The following MMP26 variants were observed in gnomAD, a reference collection of about 807,000 sequenced individuals.
MMP26 encodes the protein matrix metallopeptidase 26.
MMP26 carries 33 observed loss-of-function variants against 31.0 expected under a neutral mutation model. The observed-to-expected ratio is 1.06, with a 90% confidence interval of 0.81 to 1.42. The LOEUF (loss-of-function observed/expected upper bound fraction) is 1.42, where lower values mean the gene tolerates loss of function less well. Among genes scored for constraint, MMP26 ranks in the 40% most tolerant of loss-of-function variants. The pLI is 0.00. For synonymous variants in MMP26, 122 were observed against 114.9 expected, an observed-to-expected ratio of 1.06 and a Z score of -0.40; for missense variants, 347 against 316.1, an observed-to-expected ratio of 1.10 and a Z score of -0.74.
intron 2 of MMP26, among the ~76,000 whole-genome samples, chr11:4,886,869 A>G (rs1413601731): frequency 6.6e-6 from 1 of 151,804 alleles, no homozygotes; most frequent in Non-Finnish European, 1.5e-5. Flanking sequence ...CATTGTAGTT[A>G]TTTAATCAGA....
intron 2 of MMP26, among the ~76,000 whole-genome samples, chr11:4,836,335 T>C (rs1302856403): frequency 2.7e-4 from 41 of 151,952 alleles, no homozygotes; most frequent in Admixed American, 2.7e-3. Context: ...GCACCTGAGA[T>C]TTTTTGGTTG....
At position 4,809,142 on chromosome 11, in the gene MMP26, T is replaced by C. The variant is rs541668695; in HGVS notation, c.-145+41801T>C. On this transcript the variant is annotated intron_variant, in intron 2 of 7. Transcript: ENST00000380390. ...GAACCATATAATTTCTCTTCTTCCCTAGTACTTCTTTCTCCCCAACACTGC... is the reference window on the plus strand; with the variant it reads ...GAACCATATAATTTCTCTTCTTCCCCAGTACTTCTTTCTCCCCAACACTGC... 9.9e-5 allele frequency among the ~76,000 whole-genome samples: 15 copies of C among 152,238 alleles called. No homozygotes were observed. In the South Asian group the frequency reaches 2.3e-3, roughly 23 times the overall value.
rs890920462 is a variant in MMP26, at chr11:4,915,030, C to T, written c.-144-73038C>T. 12 of 1,613,982 alleles carry T rather than the reference C, an allele frequency of 7.4e-6. No homozygotes were observed. The highest frequency in any genetic ancestry group is 8.5e-6 in the Non-Finnish European group (10 of 1,180,032). The stretch of plus-strand genomic sequence containing the variant: ...AGGATGAGCAGTGAGTCTATACCCA[C>T]TGTAGAGACGATGACAAACATGCCG... On this transcript the variant is annotated intron_variant, in intron 2 of 7. Coordinates refer to ENST00000380390, the MANE Select transcript of MMP26 (RefSeq NM_021801.5).
rs186534138 is a variant in MMP26, at chr11:4,784,139, G to A, written c.-145+16798G>A. On this transcript the variant is annotated intron_variant, in intron 2 of 7. Coordinates refer to ENST00000380390, the MANE Select transcript of MMP26 (RefSeq NM_021801.5). Reference sequence around the variant, plus strand: ...TATAATTCAAAGGCTGGAGACTGAAGTCATCTGAAGGCCTCCTCATTTACA... The same window carrying A: ...TATAATTCAAAGGCTGGAGACTGAAATCATCTGAAGGCCTCCTCATTTACA... 1.6e-4 allele frequency among the ~76,000 whole-genome samples: 24 copies of A among 152,326 alleles called. No homozygotes were observed. The East Asian group carries it at 4.0e-3, about 26-fold the overall frequency.
At chr11:4,954,017 G>A (rs1183882547) in intron 2 of MMP26, among the ~76,000 whole-genome samples, 1 of 125,722 alleles carries the variant, frequency 8.0e-6, no homozygotes, top group East Asian at 2.3e-4. Flanking sequence ...TTGTGCTACT[G>A]CACCCCAGCT....
chr11:4,893,301 C>A (rs1850654612), intron 2 of MMP26, among the ~76,000 whole-genome samples: 1 of 152,036 alleles, frequency 6.6e-6, no homozygotes. Context: ...TCCAATATTT[C>A]TCTTTATGTT....
At chr11:4,904,026 A>T (rs1416177770) in intron 2 of MMP26, among the ~76,000 whole-genome samples, 1 of 152,122 alleles carries the variant, frequency 6.6e-6, no homozygotes, top group East Asian at 1.9e-4. Context: ...TAATAATATG[A>T]CAAATAAAAG....
At chr11:4,842,004 C>G (rs35692639) in intron 2 of MMP26, among the ~76,000 whole-genome samples, 15,694 of 152,102 alleles carry the variant, frequency 0.1, 941 homozygotes, top group Middle Eastern at 0.19. Flanking sequence ...GGTAGTAATA[C>G]AAAAGTCATT....
At chr11:4,924,129 T>C in intron 2 of MMP26, 1 of 1,610,162 alleles carries the variant, frequency 6.2e-7, no homozygotes, top group South Asian at 1.1e-5. Context: ...CCTAAGTCTG[T>C]GACAGCTAGC....
At chr11:4,977,171 T>G (rs1283952203) in intron 2 of MMP26, among the ~76,000 whole-genome samples, 2 of 152,300 alleles carry the variant, frequency 1.3e-5, no homozygotes, top group East Asian at 1.9e-4. Flanking sequence ...ATGATGTTGT[T>G]GCACGTTGAA....
At chr11:4,811,707 A>G (rs1264331570) in intron 2 of MMP26, among the ~76,000 whole-genome samples, 2 of 152,110 alleles carry the variant, frequency 1.3e-5, no homozygotes, top group Non-Finnish European at 2.9e-5. Flanking sequence ...AGAATATGAC[A>G]TCCAGGATAG....
intron 2 of MMP26, among the ~76,000 whole-genome samples, chr11:4,857,869 T>C (rs1458636469): frequency 6.6e-6 from 1 of 152,174 alleles, no homozygotes. Flanking sequence ...TCAAAAAGCT[T>C]ATCCGCCACG....
At chr11:4,778,903 A>T (rs73399027) in intron 2 of MMP26, among the ~76,000 whole-genome samples, 14,407 of 152,008 alleles carry the variant, frequency 0.095, 854 homozygotes, top group Middle Eastern at 0.15. Flanking sequence ...CATACAATTG[A>T]TAGTTTAATA....
chr11:4,916,047 A>G (rs1420216946), intron 2 of MMP26, among the ~76,000 whole-genome samples: 3 of 152,120 alleles, frequency 2.0e-5, no homozygotes, highest in African/African-American at 7.2e-5. Flanking sequence ...GGCCAGGTGC[A>G]GTGGCTCACG....
intron 2 of MMP26, among the ~76,000 whole-genome samples, chr11:4,823,765 G>A (rs35094994): frequency 0.1 from 15,810 of 152,144 alleles, 1,018 homozygotes; most frequent in Middle Eastern, 0.17. Context: ...CAACGTAAGA[G>A]TTTTTCCTGT....
chr11:4,786,511 T>C, intron 2 of MMP26, among the ~76,000 whole-genome samples: 1 of 147,352 alleles, frequency 6.8e-6, no homozygotes, highest in Admixed American at 6.8e-5. Context: ...TTTTTTTTTT[T>C]TTTTTTTTTT....
At chr11:4,962,767 G>C (rs1846537495) in intron 2 of MMP26, among the ~76,000 whole-genome samples, 1 of 152,106 alleles carries the variant, frequency 6.6e-6, no homozygotes, top group Non-Finnish European at 1.5e-5. Context: ...ACAAGTTGGG[G>C]TACTGGCATG....
chr11:4,751,698 ATATT>A (rs1435791915), intron 1 of MMP26, among the ~76,000 whole-genome samples: 1 of 152,106 alleles, frequency 6.6e-6, no homozygotes, highest in Non-Finnish European at 1.5e-5. Context: ...AATAAAATAT[ATATT>A]TATTTGTTTC....
At chr11:4,705,124 G>A (rs544098991) in intron 1 of MMP26, 79 bp downstream of exon 1, 1 of 152,260 alleles carries the variant, frequency 6.6e-6, no homozygotes, top group Non-Finnish European at 1.5e-5. Context: ...TGAAACAAAC[G>A]CGGAAGTATT....
Sources: gnomAD v4.1 joint callset for allele counts (sites outside exome capture counted in the v4.1 genomes callset) on GRCh38, gnomAD v4.1.1 for gene constraint, MANE v1.5 for transcripts, NCBI Gene and HGNC (gene_info 2026-07-23, HGNC 2026-07-21) for gene names.